Variants in ATXN1 observed in about 807,000 individuals in gnomAD.
ATXN1 encodes the protein ataxin-1.
Under a neutral mutation model 56.4 loss-of-function variants are expected in ATXN1, and 8 were observed. The ratio of observed to expected loss-of-function variants is 0.14; its 90% CI spans 0.08 to 0.26. The LOEUF (loss-of-function observed/expected upper bound fraction) is 0.26. Ranked by LOEUF, ATXN1 falls within the 10% of genes least tolerant of loss-of-function variation. ATXN1 has a pLI of 1.00. For synonymous variants in ATXN1, 514 were observed against 494.6 expected, an observed-to-expected ratio of 1.04 and a Z score of -0.52; for missense variants, 987 against 1,106.5, an observed-to-expected ratio of 0.89 and a Z score of 1.53.
At chr6:16,612,251 T>C (rs763648808) in intron 3 of ATXN1, among the ~76,000 whole-genome samples, 1 of 152,172 alleles carries the variant, frequency 6.6e-6, no homozygotes, top group Non-Finnish European at 1.5e-5. Flanking sequence ...TAGATTTAAT[T>C]AGAGCATGCA....
chr6:16,489,071 C>T (rs1486777002), intron 5 of ATXN1, among the ~76,000 whole-genome samples: 1 of 152,182 alleles, frequency 6.6e-6, no homozygotes, highest in East Asian at 1.9e-4. Flanking sequence ...CATTCTGACC[C>T]AAGGTCCTTT....
intron 4 of ATXN1, among the ~76,000 whole-genome samples, chr6:16,526,064 T>TATATATAC (rs370698828): frequency 6.0e-5 from 8 of 133,308 alleles, no homozygotes; most frequent in African/African-American, 2.2e-4. Flanking sequence ...TATATATATA[T>TATATATAC]ACATACATAC....
At position 16,692,205 on chromosome 6, in the gene ATXN1, G is replaced by A. The variant is rs61418119; in HGVS notation, c.-614-34304C>T. Among the ~76,000 whole-genome samples the A allele has an allele frequency of 9.7e-3, 1,480 of 152,274 alleles. 20 individuals carry two copies. Among genetic ancestry groups the A allele is most frequent in the African/African-American group, 0.033 (1,388 of 41,564 alleles). The stretch of plus-strand genomic sequence containing the variant: ...TGGGAGGCGGAGGTTGCAGTGAGCC[G>A]AGATCATGCCACTGCACTCCAGCCT... On this transcript the variant is annotated intron_variant, in intron 2 of 7. Coordinates refer to ENST00000436367, the MANE Select transcript of ATXN1 (RefSeq NM_001128164.2).
At chr6:16,347,826 G>A (rs1008779983) in intron 6 of ATXN1, among the ~76,000 whole-genome samples, 11 of 152,314 alleles carry the variant, frequency 7.2e-5, no homozygotes, top group East Asian at 1.9e-4. Flanking sequence ...CAGGCTGCCC[G>A]AGCCAGCAGT....
chr6:16,362,633 G>A (rs1020825824), intron 6 of ATXN1, among the ~76,000 whole-genome samples: 2 of 152,178 alleles, frequency 1.3e-5, no homozygotes, highest in African/African-American at 2.4e-5. Flanking sequence ...AAATGGATAG[G>A]GATGTTGGGC....
At chr6:16,521,279 T>C (rs557075965) in intron 5 of ATXN1, among the ~76,000 whole-genome samples, 1 of 152,088 alleles carries the variant, frequency 6.6e-6, no homozygotes, top group Non-Finnish European at 1.5e-5. Flanking sequence ...AACGAATAAA[T>C]GGGGCCGGGC....
Position 16,338,782 on chromosome 6 carries a change from A to C in ATXN1, c.-160-10312T>G, listed in dbSNP as rs184601148. Among the ~76,000 whole-genome samples, 135 of 152,266 alleles carry C rather than the reference A, an allele frequency of 8.9e-4. 1 individual carries two copies. Among genetic ancestry groups the C allele is most frequent in the Middle Eastern group, 3.4e-3 (1 of 294 alleles). On this transcript the variant is annotated intron_variant, in intron 6 of 7. Transcript: ENST00000436367. ...ACCTTCAAACTATCAATTCTTTCAA[A>C]CATCTGTTTTTTCCTCACATCTGTG...
intron 2 of ATXN1, among the ~76,000 whole-genome samples, chr6:16,682,033 T>C (rs1758822831): frequency 6.6e-6 from 1 of 152,094 alleles, no homozygotes; most frequent in Non-Finnish European, 1.5e-5. Context: ...GGTTAGCCGC[T>C]GTTCTCCTTC....
At chr6:16,701,273 C>G (rs781662571) in intron 2 of ATXN1, among the ~76,000 whole-genome samples, 1 of 152,220 alleles carries the variant, frequency 6.6e-6, no homozygotes, top group African/African-American at 2.4e-5. Flanking sequence ...CAGGGAATGG[C>G]GCTCAGGCGA....
chr6:16,568,227 G>C (rs778476580), intron 4 of ATXN1, among the ~76,000 whole-genome samples: 1 of 152,076 alleles, frequency 6.6e-6, no homozygotes, highest in Non-Finnish European at 1.5e-5. Context: ...ATTCCAATTC[G>C]CAAGAATATT....
intron 7 of ATXN1, among the ~76,000 whole-genome samples, chr6:16,309,059 T>C (rs1376879193): frequency 6.6e-6 from 1 of 151,342 alleles, no homozygotes; most frequent in Non-Finnish European, 1.5e-5. Flanking sequence ...GAGACCCCGT[T>C]TCTACAGAAA....
chr6:16,349,742 T>A (rs1423525558), intron 6 of ATXN1, among the ~76,000 whole-genome samples: 1 of 143,286 alleles, frequency 7.0e-6, no homozygotes, highest in South Asian at 2.1e-4. Context: ...AGTGCACTGA[T>A]TTTTTTTTCC....
intron 6 of ATXN1, among the ~76,000 whole-genome samples, chr6:16,470,086 C>A (rs1318737659): frequency 6.6e-6 from 1 of 152,086 alleles, no homozygotes; most frequent in African/African-American, 2.4e-5. Flanking sequence ...AACCCAAGTG[C>A]CCACTGATAG....
At chr6:16,640,945 C>T (rs1216605994) in intron 3 of ATXN1, among the ~76,000 whole-genome samples, 1 of 152,180 alleles carries the variant, frequency 6.6e-6, no homozygotes, top group Non-Finnish European at 1.5e-5. Flanking sequence ...CTCCAGTGAA[C>T]TCATCAATGG....
At chr6:16,700,264 G>C (rs1759253877) in intron 2 of ATXN1, among the ~76,000 whole-genome samples, 1 of 152,162 alleles carries the variant, frequency 6.6e-6, no homozygotes, top group African/African-American at 2.4e-5. Context: ...CTCAACTCTT[G>C]AAGAATAGTA....
rs552714019 is a variant in ATXN1 at position 16,682,479 on chromosome 6, G to C, written c.-614-24578C>G. ...CCCAAAGTGCTGGGATTACAGGTGT[G>C]AGCCACCGCGCCTGGCCTCTCTGGG... On this transcript the variant is annotated intron_variant, in intron 2 of 7. Transcript: ENST00000436367. 2.0e-5 allele frequency among the ~76,000 whole-genome samples: 3 copies of C among 152,226 alleles called. No individual in the cohort carries two copies. The East Asian group carries it at 5.8e-4, about 29-fold the overall frequency.
At chr6:16,745,668 A>G (rs80107224) in intron 2 of ATXN1, among the ~76,000 whole-genome samples, 2,347 of 152,318 alleles carry the variant, frequency 0.015, 63 homozygotes, top group African/African-American at 0.053. Context: ...TCTTTTCTGT[A>G]GAGCAGAGCT....
At chr6:16,721,247 TG>T (rs1217949048) in intron 2 of ATXN1, among the ~76,000 whole-genome samples, 1 of 152,258 alleles carries the variant, frequency 6.6e-6, no homozygotes, top group Admixed American at 6.5e-5. Flanking sequence ...GGTTACGGCA[TG>T]TAGCCATCCC....
At chr6:16,389,926 AATCCTCTCACTGACTCACTGC>A (rs1287455728) in intron 6 of ATXN1, among the ~76,000 whole-genome samples, 4 of 152,186 alleles carry the variant, frequency 2.6e-5, no homozygotes, top group African/African-American at 9.7e-5. Context: ...ACCTTTTGTA[AATCCTCTCACTGACTCACTGC>A]ACCAAGCTAT....
Sources: allele counts gnomAD v4.1 joint callset (sites outside exome capture counted in the v4.1 genomes callset), GRCh38; gene constraint gnomAD v4.1.1; transcripts MANE v1.5; gene names NCBI Gene and HGNC (gene_info 2026-07-23, HGNC 2026-07-21).